Variants in SLC9A9 observed in about 807,000 individuals in gnomAD.
SLC9A9 encodes the protein solute carrier family 9 member A9.
In SLC9A9, 62 loss-of-function variants were observed where a neutral mutation model predicts 77.8. That is an observed-to-expected ratio of 0.80 (90% CI 0.65 to 0.98). The LOEUF is 0.98. Among genes scored for constraint, SLC9A9 ranks in the 50% least tolerant of loss-of-function variants. The pLI is 0.00. For synonymous variants in SLC9A9, 320 were observed against 283.5 expected, an observed-to-expected ratio of 1.13 and a Z score of -1.29; for missense variants, 775 against 774.9, an observed-to-expected ratio of 1.00 and a Z score of 0.00.
chr3:143,329,310 G>T (rs575783532), intron 14 of SLC9A9, among the ~76,000 whole-genome samples: 1 of 152,266 alleles, frequency 6.6e-6, no homozygotes, highest in South Asian at 2.1e-4. Flanking sequence ...AAAGAAAACA[G>T]ATAAGAGTCT....
At chr3:143,733,444 C>T (rs1265916149) in intron 4 of SLC9A9, among the ~76,000 whole-genome samples, 2 of 152,060 alleles carry the variant, frequency 1.3e-5, no homozygotes, top group African/African-American at 4.8e-5. Context: ...ATAAAGGCCA[C>T]TCCTCACATA....
intron 4 of SLC9A9, among the ~76,000 whole-genome samples, chr3:143,759,398 C>T (rs942820430): frequency 2.2e-5 from 3 of 137,028 alleles, no homozygotes; most frequent in African/African-American, 6.4e-5. Context: ...TCTGATTGGT[C>T]TTATTTATTT....
At chr3:143,436,496 T>A (rs2034625309) in intron 12 of SLC9A9, among the ~76,000 whole-genome samples, 1 of 152,194 alleles carries the variant, frequency 6.6e-6, no homozygotes, top group Non-Finnish European at 1.5e-5. Flanking sequence ...GGTGAGTTAC[T>A]GTTCTGTTCT....
At chr3:143,818,576 G>A (rs2009081827) in intron 2 of SLC9A9, among the ~76,000 whole-genome samples, 1 of 151,950 alleles carries the variant, frequency 6.6e-6, no homozygotes. Context: ...CAAAGTGCTG[G>A]GATTACAGGT....
intron 14 of SLC9A9, among the ~76,000 whole-genome samples, chr3:143,306,226 A>G (rs532717281): frequency 1.3e-5 from 2 of 152,340 alleles, no homozygotes; most frequent in Admixed American, 1.3e-4. Context: ...GTTTGTTGGC[A>G]GAAGGTTGAG....
chr3:143,759,544 C>G (rs1392639012), intron 4 of SLC9A9, among the ~76,000 whole-genome samples: 1 of 152,062 alleles, frequency 6.6e-6, no homozygotes, highest in Non-Finnish European at 1.5e-5. Context: ...AGTGAGCCCT[C>G]TCTAAATACT....
intron 4 of SLC9A9, among the ~76,000 whole-genome samples, chr3:143,724,188 G>A (rs1048649294): frequency 2.0e-5 from 3 of 152,182 alleles, no homozygotes; most frequent in African/African-American, 4.8e-5. Flanking sequence ...CTCCCATGCT[G>A]TTCTCATGAT....
intron 6 of SLC9A9, among the ~76,000 whole-genome samples, chr3:143,650,069 G>T (rs777550769): frequency 6.6e-6 from 1 of 152,178 alleles, no homozygotes; most frequent in Non-Finnish European, 1.5e-5. Context: ...TGAAGGAAGA[G>T]TTGAAAGACT....
Position 143,423,036 on chromosome 3 carries a change from G to T in SLC9A9, c.1470-40922C>A, listed in dbSNP as rs1207737713. Among the ~76,000 whole-genome samples the T allele has an allele frequency of 2.6e-5, 4 of 152,204 alleles. No homozygotes were observed. The South Asian group carries it at 8.3e-4, about 32-fold the overall frequency. Reference sequence around the variant, plus strand: ...TAGTGGCACGCAATATAGTAGAATGGTTAAGAACACAGGCTATTAGGTTTT... The same window carrying T: ...TAGTGGCACGCAATATAGTAGAATGTTTAAGAACACAGGCTATTAGGTTTT... On this transcript the variant is annotated intron_variant, in intron 12 of 15. Coordinates refer to ENST00000316549, the MANE Select transcript of SLC9A9 (RefSeq NM_173653.4).
At chr3:143,383,584 A>T (rs915169649) in intron 12 of SLC9A9, among the ~76,000 whole-genome samples, 30 of 152,186 alleles carry the variant, frequency 2.0e-4, no homozygotes, top group Admixed American at 4.6e-4. Flanking sequence ...AGTACTGGGG[A>T]TCTTCCCAGG....
intron 12 of SLC9A9, among the ~76,000 whole-genome samples, chr3:143,436,972 G>A (rs767820326): frequency 6.6e-6 from 1 of 152,236 alleles, no homozygotes; most frequent in Non-Finnish European, 1.5e-5. Flanking sequence ...CAGGCATTGA[G>A]CTAGATTTCC....
chr3:143,714,484 T>G (rs1934281066), intron 4 of SLC9A9, among the ~76,000 whole-genome samples: 1 of 152,236 alleles, frequency 6.6e-6, no homozygotes, highest in South Asian at 2.1e-4. Flanking sequence ...ATATCTCTTC[T>G]GGATATTTCT....
intron 14 of SLC9A9, among the ~76,000 whole-genome samples, chr3:143,298,787 T>C (rs186605163): frequency 1.1e-4 from 16 of 152,340 alleles, no homozygotes; most frequent in African/African-American, 3.1e-4. Context: ...AGATCTCTTA[T>C]GAAAGCTTGC....
intron 13 of SLC9A9, among the ~76,000 whole-genome samples, chr3:143,377,333 C>T (rs1282467623): frequency 1.3e-5 from 2 of 152,204 alleles, no homozygotes; most frequent in Non-Finnish European, 2.9e-5. Flanking sequence ...ATTCGCTTTA[C>T]ACCTTTCATA....
At chr3:143,734,913 T>A (rs567661965) in intron 4 of SLC9A9, among the ~76,000 whole-genome samples, 11 of 152,284 alleles carry the variant, frequency 7.2e-5, no homozygotes, top group East Asian at 1.9e-4. Context: ...AAGTCTCTTG[T>A]GGCTAAGGCA....
chr3:143,835,420 G>A (rs2009544459), intron 1 of SLC9A9, among the ~76,000 whole-genome samples: 1 of 152,344 alleles, frequency 6.6e-6, no homozygotes, highest in South Asian at 2.1e-4. Context: ...ACTCATTTGT[G>A]CACTCTTGCT....
intron 5 of SLC9A9, among the ~76,000 whole-genome samples, chr3:143,688,641 G>A (rs528834843): frequency 6.6e-6 from 1 of 152,150 alleles, no homozygotes; most frequent in Non-Finnish European, 1.5e-5. Flanking sequence ...TTCTAGCAAT[G>A]ACATAGTGAC....
At chr3:143,322,418 C>A (rs1048186915) in intron 14 of SLC9A9, among the ~76,000 whole-genome samples, 124 of 152,320 alleles carry the variant, frequency 8.1e-4, no homozygotes, top group African/African-American at 2.8e-3. Context: ...GTTTTCAGAA[C>A]TTCAGATTCA....
intron 2 of SLC9A9, among the ~76,000 whole-genome samples, chr3:143,797,957 C>G (rs865961886): frequency 1.3e-5 from 2 of 152,144 alleles, no homozygotes; most frequent in Non-Finnish European, 2.9e-5. Context: ...TGCCATGACT[C>G]GGATCAGGGG....
Sources: gnomAD v4.1 joint callset for allele counts (sites outside exome capture counted in the v4.1 genomes callset) on GRCh38, gnomAD v4.1.1 for gene constraint, MANE v1.5 for transcripts, NCBI Gene and HGNC (gene_info 2026-07-23, HGNC 2026-07-21) for gene names.